TRIM44: variants seen among roughly 807,000 people sequenced by gnomAD.
TRIM44 encodes the protein tripartite motif containing 44.
A neutral mutation model predicts 37.4 loss-of-function variants in TRIM44; 13 were observed. The ratio of observed to expected loss-of-function variants is 0.35; its 90% CI spans 0.23 to 0.55. The LOEUF (loss-of-function observed/expected upper bound fraction) is 0.55. TRIM44 is among the 20% of genes least tolerant of loss of function. TRIM44 has a pLI of 0.89. For missense variants in TRIM44, 426 were observed against 437.2 expected (o/e 0.97, Z 0.23); for synonymous variants, 175 against 157.2 (o/e 1.11, Z -0.85).
intron 4 of TRIM44, among the ~76,000 whole-genome samples, chr11:35,776,348 T>G (rs1055336853): frequency 4.6e-5 from 7 of 152,140 alleles, no homozygotes; most frequent in African/African-American, 1.7e-4. Context: ...ATTCTTCTGT[T>G]TTCTTCTGTA....
At chr11:35,704,090 G>C (rs563085269) in intron 2 of TRIM44, among the ~76,000 whole-genome samples, 15 of 152,266 alleles carry the variant, frequency 9.9e-5, no homozygotes, top group African/African-American at 3.6e-4. Flanking sequence ...TGAAAGCCAA[G>C]GCTCGAGAAC....
intron 1 of TRIM44, among the ~76,000 whole-genome samples, chr11:35,672,787 A>T (rs541638446): frequency 1.3e-5 from 2 of 152,318 alleles, no homozygotes; most frequent in African/African-American, 4.8e-5. Flanking sequence ...GCTTGCTGTA[A>T]TGTATCTATT....
intron 2 of TRIM44, among the ~76,000 whole-genome samples, chr11:35,698,042 G>A (rs1248077050): frequency 6.6e-6 from 1 of 151,526 alleles, no homozygotes; most frequent in East Asian, 1.9e-4. Context: ...GACTTCCACA[G>A]TGGTTGAACT....
intron 1 of TRIM44, among the ~76,000 whole-genome samples, chr11:35,669,800 G>A (rs898018712): frequency 2.0e-5 from 3 of 151,790 alleles, no homozygotes; most frequent in South Asian, 2.1e-4. Context: ...GCTTTAAATG[G>A]TTTTTCTGTT....
chr11:35,784,503 A>G (rs942053573), intron 4 of TRIM44, among the ~76,000 whole-genome samples: 1 of 152,224 alleles, frequency 6.6e-6, no homozygotes, highest in Non-Finnish European at 1.5e-5. Context: ...GCCTCTTAAT[A>G]AAAATTGTCT....
At chr11:35,734,285 G>A (rs903656791) in intron 3 of TRIM44, among the ~76,000 whole-genome samples, 7 of 152,110 alleles carry the variant, frequency 4.6e-5, no homozygotes, top group Admixed American at 4.6e-4. Flanking sequence ...CAGGCACTGT[G>A]TTTGATGATT....
intron 4 of TRIM44, among the ~76,000 whole-genome samples, chr11:35,770,422 G>A (rs1228219200): frequency 1.3e-5 from 2 of 152,226 alleles, no homozygotes; most frequent in African/African-American, 4.8e-5. Context: ...TATATACCCA[G>A]TAATGGGATT....
chr11:35,786,588 C>A lies in TRIM44; in HGVS notation c.1008-19770C>A, dbSNP rs140738337. 2.0e-3 allele frequency among the ~76,000 whole-genome samples: 298 copies of A among 152,280 alleles called. 2 individuals are homozygous for A. Among genetic ancestry groups the A allele is most frequent in the African/African-American group, 7.0e-3 (289 of 41,558 alleles). ...AGAACATGAGTTTTGCAGCCAGTCA[C>A]TCCTGAGATCCAAATGTGGTCAAGT... On this transcript the variant is annotated intron_variant, in intron 4 of 4. Transcript: ENST00000299413.
chr11:35,802,762 A>G (rs1337926089), intron 4 of TRIM44, among the ~76,000 whole-genome samples: 3 of 152,166 alleles, frequency 2.0e-5, no homozygotes, highest in East Asian at 1.9e-4. Context: ...GCCACCTAGA[A>G]GGGTCAGAGT....
chr11:35,764,243 T>C (rs1565008962), intron 4 of TRIM44, among the ~76,000 whole-genome samples: 3 of 152,210 alleles, frequency 2.0e-5, no homozygotes, highest in Non-Finnish European at 4.4e-5. Flanking sequence ...CATGGTCTTA[T>C]CCTTTTCTTT....
At chr11:35,757,645 A>C (rs1259598087) in intron 4 of TRIM44, among the ~76,000 whole-genome samples, 1 of 152,062 alleles carries the variant, frequency 6.6e-6, no homozygotes, top group African/African-American at 2.4e-5. Context: ...TAGTGCTATA[A>C]ATTTTCCTCT....
chr11:35,814,017 G>A lies in TRIM44; in HGVS notation c.*7632G>A, dbSNP rs1375159003. 6.6e-6 allele frequency: 1 copy of A among 152,154 alleles called. No individual in the cohort carries two copies. The highest frequency in any genetic ancestry group is 1.5e-5 in the Non-Finnish European group (1 of 68,030). The allele number at this position is 152,154 out of a possible 1,614,324, so 9.4% of individuals were successfully genotyped here. On this transcript the variant is annotated 3_prime_UTR_variant, in exon 5 of 5. Transcript: ENST00000299413. ...GAATAAAACTAATAACTAGAATACA[G>A]ATCAAATTCTGTTACAACAAATACT...
chr11:35,702,237 T>C (rs1284828230), intron 2 of TRIM44, among the ~76,000 whole-genome samples: 1 of 152,194 alleles, frequency 6.6e-6, no homozygotes, highest in Non-Finnish European at 1.5e-5. Flanking sequence ...CAAGAAGGAC[T>C]TTACTTCCCA....
chr11:35,697,160 C>T (rs546852427), intron 2 of TRIM44, among the ~76,000 whole-genome samples: 75 of 149,970 alleles, frequency 5.0e-4, no homozygotes, highest in African/African-American at 1.7e-3. Context: ...GTGTGCTGCA[C>T]CCATTAACTC....
chr11:35,715,831 A>G (rs1156314976), intron 2 of TRIM44, among the ~76,000 whole-genome samples: 2 of 152,144 alleles, frequency 1.3e-5, no homozygotes, highest in Non-Finnish European at 2.9e-5. Flanking sequence ...GGCATGTCAT[A>G]CGTGGCTGGA....
intron 4 of TRIM44, among the ~76,000 whole-genome samples, chr11:35,783,148 G>A (rs542967136): frequency 3.7e-4 from 57 of 152,228 alleles, no homozygotes; most frequent in Non-Finnish European, 7.5e-4. Flanking sequence ...ATTTTATAGA[G>A]GTATCTGAGT....
intron 2 of TRIM44, among the ~76,000 whole-genome samples, chr11:35,700,773 A>G (rs1022545180): frequency 2.4e-4 from 36 of 152,216 alleles, no homozygotes; most frequent in African/African-American, 8.4e-4. Context: ...CCCGGGACTT[A>G]TCTACAATAT....
intron 2 of TRIM44, among the ~76,000 whole-genome samples, chr11:35,688,311 A>G (rs931551283): frequency 2.0e-5 from 3 of 152,230 alleles, no homozygotes; most frequent in African/African-American, 7.2e-5. Flanking sequence ...ACTGAAGCCT[A>G]TTGGGGAATG....
At chr11:35,796,732 A>C (rs960640858) in intron 4 of TRIM44, among the ~76,000 whole-genome samples, 1 of 152,212 alleles carries the variant, frequency 6.6e-6, no homozygotes. Flanking sequence ...GGGAAGGCCA[A>C]TGTAAAGGCA....
Sources: allele counts gnomAD v4.1 joint callset (sites outside exome capture counted in the v4.1 genomes callset), GRCh38; gene constraint gnomAD v4.1.1; transcripts MANE v1.5; gene names NCBI Gene and HGNC (gene_info 2026-07-23, HGNC 2026-07-21).